The following DENND4B variants were observed in gnomAD, a reference collection of about 807,000 sequenced individuals.
DENND4B encodes DENN domain containing 4B.
In DENND4B, 67 loss-of-function variants were observed where a neutral mutation model predicts 161.0. The ratio of observed to expected loss-of-function variants is 0.42; its 90% CI spans 0.34 to 0.51. The LOEUF is 0.51. DENND4B is among the 20% of genes least tolerant of loss of function. The pLI is 0.08. For missense variants in DENND4B, 1,481 were observed against 1,968.0 expected, an observed-to-expected ratio of 0.75 and a Z score of 4.68; for synonymous variants, 753 against 813.8, an observed-to-expected ratio of 0.93 and a Z score of 1.27.
At position 153,944,388 on chromosome 1, in the gene DENND4B, C is replaced by G. The variant is rs1679856985; in HGVS notation, c.-14G>C. 1.9e-6 allele frequency: 3 copies of G among 1,595,836 alleles called. No individual in the cohort carries two copies. The highest frequency in any genetic ancestry group is 1.7e-5 in the Admixed American group (1 of 57,166). On this transcript the variant is annotated 5_prime_UTR_variant, in exon 2 of 28. Transcript: ENST00000361217. This position sits in a 1 kb window ranked among gnomAD's most constrained non-coding sequence, Gnocchi z 4.8. The stretch of plus-strand genomic sequence containing the variant: ...CTCCTCCGCCATGGCCCCCCCCTCA[C>G]TCACTGCATCTGGAATGGTCAAGTG...
intron 12 of DENND4B, 24 bp from the exon 13 acceptor site, chr1:153,939,069 G>A (rs767051754): frequency 6.2e-7 from 1 of 1,609,086 alleles, no homozygotes. Flanking sequence ...GAATGGGGCA[G>A]AGGAGGGGTG....
At chr1:153,931,223 TGA>T (rs939419554) in intron 24 of DENND4B, among the ~76,000 whole-genome samples, 159 bp from the exon 25 acceptor site, 1 of 152,212 alleles carries the variant, frequency 6.6e-6, no homozygotes, top group African/African-American at 2.4e-5. Flanking sequence ...TGTAAGCTCT[TGA>T]GAGCAGGGAC....
chr1:153,934,006 T>C lies in DENND4B; in HGVS notation c.2941+129A>G. ...CACCATGATGATATTCTGGGCGAGA[T>C]TCCCTCAGAATCTACAGCACCCACC... On this transcript the variant is annotated intron_variant, in intron 19 of 27. Transcript: ENST00000361217. This position sits in a 1 kb window ranked among gnomAD's most constrained non-coding sequence, Gnocchi z 5.3. 1.4e-6 allele frequency: 2 copies of C among 1,478,226 alleles called. No homozygotes were observed. Among genetic ancestry groups the C allele is most frequent in the Non-Finnish European group, 1.8e-6 (2 of 1,110,578 alleles). The allele number at this position is 1,478,226 out of a possible 1,614,324, so 91.6% of individuals were successfully genotyped here. A position where few individuals can be genotyped will look rare whatever the true frequency, so the allele number is the denominator to read the frequency against.
intron 1 of DENND4B, chr1:153,945,339 T>TGGTGGC (rs1189763089): frequency 5.8e-5 from 22 of 379,068 alleles, no homozygotes; most frequent in South Asian, 3.7e-4. Flanking sequence ...TGGGTGTGTG[T>TGGTGGC]GGTGGCGGTG....
rs559587907 is a variant in DENND4B, at chr1:153,937,116, T to C, written c.2233-368A>G. The stretch of plus-strand genomic sequence containing the variant: ...GACCCTAAAGTGGTGTGGGAAGAAG[T>C]AGCACCTTCTCTGAGGAAGGGTCTG... On this transcript the variant is annotated intron_variant, in intron 15 of 27. Transcript: ENST00000361217. The surrounding 1 kb of genome is among the most constrained non-coding windows in gnomAD (Gnocchi z 4.7). Among the ~76,000 whole-genome samples, 59 of 152,310 alleles carry C rather than the reference T, an allele frequency of 3.9e-4. No individual in the cohort carries two copies. The highest frequency in any genetic ancestry group is 3.1e-3 in the South Asian group (15 of 4,828).
Position 153,932,117 on chromosome 1 carries a change from C to G in DENND4B, c.3996+87G>C, listed in dbSNP as rs1424110248. 2.3e-6 allele frequency: 3 copies of G among 1,311,930 alleles called. No homozygotes were observed. Among genetic ancestry groups the G allele is most frequent in the Non-Finnish European group, 3.2e-6 (3 of 943,150 alleles). The allele number at this position is 1,311,930 out of a possible 1,614,324, so 81.3% of individuals were successfully genotyped here. A position where few individuals can be genotyped will look rare whatever the true frequency, so the allele number is the denominator to read the frequency against. Reference sequence around the variant, plus strand: ...CCACCGTGCCTGGCCAGTCTATGCTCTTTCTACAGTGCCAAGGACACAGTG... The same window carrying G: ...CCACCGTGCCTGGCCAGTCTATGCTGTTTCTACAGTGCCAAGGACACAGTG... On this transcript the variant is annotated intron_variant, in intron 24 of 27. Transcript: ENST00000361217. The surrounding 1 kb of genome is among the most constrained non-coding windows in gnomAD (Gnocchi z 5.8).
intron 24 of DENND4B, among the ~76,000 whole-genome samples, chr1:153,931,500 T>C (rs553072064): frequency 5.1e-4 from 76 of 149,916 alleles, no homozygotes; most frequent in African/African-American, 1.6e-3. Flanking sequence ...CTCTTTCTTT[T>C]TTTTTTTTTT....
chr1:153,941,786 AC>A, intron 6 of DENND4B, 82 bp downstream of exon 6: 1 of 417,700 alleles, frequency 2.4e-6, no homozygotes, highest in Non-Finnish European at 3.8e-6. Context: ...CCCTCCCCCC[AC>A]CCACATCTGA....
intron 2 of DENND4B, among the ~76,000 whole-genome samples, chr1:153,943,591 T>C (rs1679795039): frequency 1.3e-5 from 2 of 148,470 alleles, no homozygotes; most frequent in South Asian, 2.1e-4. Flanking sequence ...GGCAGGAGAA[T>C]TGCCTGAACC....
Position 153,930,967 on chromosome 1 carries a change from T to C in DENND4B, c.4094A>G (p.Tyr1365Cys). ...TPDPNSCPPL[Y>C]VLWRVHSQIP... ...CTCACTGTGGACCCTCCAGAGCACATAGAGAGGTGGGCAGCTATTGGGGTC... is the reference window on the plus strand; with the variant it reads ...CTCACTGTGGACCCTCCAGAGCACACAGAGAGGTGGGCAGCTATTGGGGTC... Residue 1365 changes from tyrosine to cysteine, a missense_variant, in exon 25 of 28, where the codon TAT becomes TGT. By Grantham distance (194) the Tyr-to-Cys change is radical. Around this residue, in one of 3 missense-constraint regions of DENND4B, gnomAD observed 336 missense variants for 503.3 expected, o/e 0.67. Transcript: ENST00000361217. The surrounding 1 kb of genome is among the most constrained non-coding windows in gnomAD (Gnocchi z 4.7). The C allele has an allele frequency of 6.7e-7, 1 of 1,502,876 alleles. No homozygotes were observed. Among genetic ancestry groups the C allele is most frequent in the Non-Finnish European group, 9.0e-7 (1 of 1,111,460 alleles). The allele number at this position is 1,502,876 out of a possible 1,614,324, so 93.1% of individuals were successfully genotyped here.
chr1:153,938,278 G>C (rs915816896), intron 13 of DENND4B, among the ~76,000 whole-genome samples: 1 of 152,004 alleles, frequency 6.6e-6, no homozygotes, highest in Non-Finnish European at 1.5e-5. Flanking sequence ...GCATATTGGT[G>C]CACACCTGTA....
chr1:153,945,218 G>T (rs1008605942), intron 1 of DENND4B: 2 of 1,271,116 alleles, frequency 1.6e-6, no homozygotes, highest in African/African-American at 3.1e-5. Flanking sequence ...AAAAAGCCTG[G>T]TGGGTAGCTC....
chr1:153,933,756 C>T lies in DENND4B; in HGVS notation c.3057G>A (p.Gly1019=), dbSNP rs776102660. The change falls in exon 20 of 28, where the codon GGG becomes GGA. Residue 1019 remains glycine, a synonymous_variant. Coordinates refer to ENST00000361217, the MANE Select transcript of DENND4B (RefSeq NM_014856.3). The surrounding 1 kb of genome is among the most constrained non-coding windows in gnomAD (Gnocchi z 5.7). ...GEEPLPGGSP[G]GSGSALSAQS... ...GGGCACTCAGGGCTGAGCCTGAGCC[C>T]CCTGGGCTGCCTCCAGGGAGCGGCT... is the stretch of plus-strand genomic sequence containing the variant. The T allele has an allele frequency of 5.0e-6, 8 of 1,605,208 alleles. No individual in the cohort carries two copies. The African/African-American group carries it at 9.4e-5, about 19-fold the overall frequency.
Position 153,937,850 on chromosome 1 carries a change from T to C in DENND4B, c.1979A>G (p.Gln660Arg). The change falls in exon 14 of 28, where the codon CAG (glutamine) becomes CGG (arginine). Residue 660 changes from glutamine (Q) to arginine (R), a missense_variant. Coordinates refer to ENST00000361217, the MANE Select transcript of DENND4B (RefSeq NM_014856.3). This position sits in a 1 kb window ranked among gnomAD's most constrained non-coding sequence, Gnocchi z 4.7. ...DSCVEKVHPE[Q>R]EKPEPTPLVE... ...TAAGGGTGTCGGCTCAGGCTTCTCC[T>C]GCTCTGGGTGGACCTGGAGAAGGAT... 1 of 1,614,034 alleles carries C rather than the reference T, an allele frequency of 6.2e-7. No homozygotes were observed. Among genetic ancestry groups the C allele is most frequent in the Non-Finnish European group, 8.5e-7 (1 of 1,179,892 alleles).
Position 153,932,672 on chromosome 1 carries a change from A to T in DENND4B, c.3729T>A (p.Asp1243Glu). ...TGTGCCCGTTGCAGAGCTGGGGCTC[A>T]TCCAGAGCAAGGCAGAGCCTTCGGT... is the stretch of plus-strand genomic sequence containing the variant. ...LSDRRLCLAL[D>E]EPQLCNGHMG... The change falls in exon 23 of 28, where the codon GAT becomes GAA. Residue 1243 changes from aspartate to glutamate, a missense_variant. Transcript: ENST00000361217. The surrounding 1 kb of genome is among the most constrained non-coding windows in gnomAD (Gnocchi z 5.8). 1 of 1,614,002 alleles carries T rather than the reference A, an allele frequency of 6.2e-7. No individual in the cohort carries two copies. Among genetic ancestry groups the T allele is most frequent in the South Asian group, 1.1e-5 (1 of 91,084 alleles).
Position 153,936,663 on chromosome 1 carries a change from C to T in DENND4B, c.2318G>A (p.Gly773Glu). Residue 773 changes from glycine (G) to glutamate (E), a missense_variant, in exon 16 of 28, where the codon GGG becomes GAG. Gly to Glu is a moderately conservative substitution (Grantham distance 98, BLOSUM62 -2). This residue lies in a region of DENND4B where 806 missense variants were observed against 1,134.4 expected (regional missense o/e 0.71). Transcript: ENST00000361217. The surrounding 1 kb of genome is among the most constrained non-coding windows in gnomAD (Gnocchi z 4.1). ...WARCLLGHCY[G>E]LWFLCLPAYV... ...GGCAGGCAGACACAGGAACCACAGC[C>T]CATAGCAGTGCCCCAGCAGGCACCG... The T allele has an allele frequency of 6.2e-7, 1 of 1,613,500 alleles. No homozygotes were observed. The highest frequency in any genetic ancestry group is 8.5e-7 in the Non-Finnish European group (1 of 1,179,650).
chr1:153,942,856 G>T lies in DENND4B; in HGVS notation c.570+22C>A, dbSNP rs775589563. The stretch of plus-strand genomic sequence containing the variant: ...CACTCTTACACCAAGAGGACCAGGT[G>T]TCAGCTCTTGGCCCCACTCACCATG... On this transcript the variant is annotated intron_variant, in intron 3 of 27. Coordinates refer to ENST00000361217, the MANE Select transcript of DENND4B (RefSeq NM_014856.3). The surrounding 1 kb of genome is among the most constrained non-coding windows in gnomAD (Gnocchi z 6.9). The T allele has an allele frequency of 1.5e-5, 24 of 1,579,760 alleles. No homozygotes were observed. In the African/African-American group the frequency reaches 2.3e-4, roughly 15 times the overall value.
rs1461334379 is a variant in DENND4B at position 153,934,460 on chromosome 1, T to A, written c.2774-158A>T. Among the ~76,000 whole-genome samples the A allele has an allele frequency of 6.6e-6, 1 of 152,146 alleles. No homozygotes were observed. The highest frequency in any genetic ancestry group is 1.5e-5 in the Non-Finnish European group (1 of 68,024). On this transcript the variant is annotated intron_variant, in intron 18 of 27. Coordinates refer to ENST00000361217, the MANE Select transcript of DENND4B (RefSeq NM_014856.3). The surrounding 1 kb of genome is among the most constrained non-coding windows in gnomAD (Gnocchi z 5.3). ...TTGTTTGTTTGTTTTGTTTTGTTTT[T>A]TGAGATGGAGTCTTGCTCTGTAGCT...
intron 1 of DENND4B, chr1:153,945,056 G>A: frequency 1.6e-6 from 2 of 1,268,578 alleles, no homozygotes; most frequent in South Asian, 2.5e-5. Context: ...GCAGTTGTGA[G>A]AGACAAGTCC....
Sources: gnomAD v4.1 joint callset for allele counts (sites outside exome capture counted in the v4.1 genomes callset) on GRCh38, gnomAD v4.1.1 for gene constraint, gnomAD v4.1.1 regional missense constraint, Gnocchi (gnomAD v3.1) non-coding constraint, MANE v1.5 for transcripts, NCBI Gene and HGNC (gene_info 2026-07-23, HGNC 2026-07-21) for gene names.